The following SMARCB1 variants were observed in gnomAD, a reference collection of about 807,000 sequenced individuals.
SMARCB1 encodes SWI/SNF related BAF chromatin remodeling complex subunit B1, also known as SWI/SNF-related matrix-associated actin-dependent regulator of chromatin subfamily B member 1.
In SMARCB1, 5 loss-of-function variants were observed where a neutral mutation model predicts 49.0. The observed-to-expected ratio is 0.10, with a 90% CI of 0.05 to 0.21. The LOEUF (loss-of-function observed/expected upper bound fraction) is 0.21. SMARCB1 is among the 10% of genes least tolerant of loss of function. SMARCB1 has a pLI of 1.00. For synonymous variants in SMARCB1, 201 were observed against 200.1 expected (o/e 1.00, Z -0.04); for missense variants, 226 against 509.2 (o/e 0.44, Z 5.35).
rs955825409 is a variant in SMARCB1 at position 23,837,313 on chromosome 22, G to A, written c.*3133G>A. On this transcript the variant is annotated 3_prime_UTR_variant, in exon 9 of 9. Transcript: ENST00000644036. ...ACAGAGTGCCAGCCCCGGGTTGGCC[G>A]TGAAGGACAAGCTTAAAAGGCCCAG... 18 of 973,196 alleles carry A rather than the reference G, an allele frequency of 1.8e-5. No individual in the cohort carries two copies. Among genetic ancestry groups the A allele is most frequent in the Middle Eastern group, 2.6e-4 (1 of 3,822 alleles). The allele number at this position is 973,196 out of a possible 1,614,324, so 60.3% of individuals were successfully genotyped here. A position where few individuals can be genotyped will look rare whatever the true frequency, so the allele number is the denominator to read the frequency against.
At chr22:23,822,767 C>G (rs1430226785) in intron 6 of SMARCB1, among the ~76,000 whole-genome samples, 1 of 152,018 alleles carries the variant, frequency 6.6e-6, no homozygotes, top group African/African-American at 2.4e-5. Context: ...AGCCACATTC[C>G]TGCTCCCTGG....
intron 7 of SMARCB1, among the ~76,000 whole-genome samples, chr22:23,826,567 T>A (rs766799611): frequency 6.6e-6 from 1 of 152,158 alleles, no homozygotes; most frequent in Non-Finnish European, 1.5e-5. Flanking sequence ...CAAAACAGGA[T>A]GTTCAGATTT....
Position 23,837,949 on chromosome 22 carries a change from C to G in SMARCB1, c.*3769C>G, listed in dbSNP as rs2031233790. Reference sequence around the variant, plus strand: ...CCCTGGAATTCTTCCCCTCATCTCCCCTATGTGCTATTCCCTCATCAAGAT... The same window carrying G: ...CCCTGGAATTCTTCCCCTCATCTCCGCTATGTGCTATTCCCTCATCAAGAT... On this transcript the variant is annotated 3_prime_UTR_variant, in exon 9 of 9. Transcript: ENST00000644036. 6 of 1,329,534 alleles carry G rather than the reference C, an allele frequency of 4.5e-6. No individual in the cohort carries two copies. Among genetic ancestry groups the G allele is most frequent in the South Asian group, 1.4e-5 (1 of 71,612 alleles). The allele number at this position is 1,329,534 out of a possible 1,614,324, so 82.4% of individuals were successfully genotyped here.
intron 7 of SMARCB1, among the ~76,000 whole-genome samples, chr22:23,827,560 C>T (rs745731934): frequency 7.2e-5 from 11 of 152,220 alleles, no homozygotes; most frequent in South Asian, 2.1e-4. Context: ...CACAGACCCC[C>T]TGCCCCCTGC....
At position 23,787,033 on chromosome 22, in the gene SMARCB1, G is replaced by T. The variant is rs964117869; in HGVS notation, c.-137G>T. The stretch of plus-strand genomic sequence containing the variant: ...GCGGCGGCGGCGGCTGAGGAGCCCG[G>T]CTGAGGCGCCAGTACCCGGCCCGGT... On this transcript the variant is annotated 5_prime_UTR_variant, in exon 1 of 9. Coordinates refer to ENST00000644036, the MANE Select transcript of SMARCB1 (RefSeq NM_003073.5). The T allele has an allele frequency of 5.3e-6, 3 of 570,422 alleles. No individual in the cohort carries two copies. The highest frequency in any genetic ancestry group is 9.2e-6 in the Non-Finnish European group (3 of 325,934). The allele number at this position is 570,422 out of a possible 1,614,324, so 35.3% of individuals were successfully genotyped here.
chr22:23,810,370 C>A (rs1288642183), intron 5 of SMARCB1, among the ~76,000 whole-genome samples: 2 of 151,060 alleles, frequency 1.3e-5, no homozygotes, highest in Admixed American at 6.6e-5. Flanking sequence ...ACTAAAAATA[C>A]AAAAACAATT....
At position 23,837,612 on chromosome 22, in the gene SMARCB1, A is replaced by T. The variant is rs1251640704; in HGVS notation, c.*3432A>T. 3.8e-6 allele frequency: 6 copies of T among 1,582,986 alleles called. No homozygotes were observed. The highest frequency in any genetic ancestry group is 5.2e-6 in the Non-Finnish European group (6 of 1,160,366). On this transcript the variant is annotated 3_prime_UTR_variant, in exon 9 of 9. Coordinates refer to ENST00000644036, the MANE Select transcript of SMARCB1 (RefSeq NM_003073.5). ...CCCAGGGCATAAGCAGCGTGTCCTGAGGGGAGTGGCCAGCCTGGGGCGGAC... is the reference window on the plus strand; with the variant it reads ...CCCAGGGCATAAGCAGCGTGTCCTGTGGGGAGTGGCCAGCCTGGGGCGGAC...
intron 1 of SMARCB1, among the ~76,000 whole-genome samples, 160 bp downstream of exon 1, chr22:23,787,422 T>C (rs939413154): frequency 7.3e-5 from 11 of 151,568 alleles, no homozygotes; most frequent in Non-Finnish European, 1.6e-4. Flanking sequence ...GTGTCGGGTG[T>C]GGCCCCCGCC....
In SMARCB1 at chr22:23,814,091, A is replaced by G. The variant is rs145122371; in HGVS notation, c.629-2679A>G. Reference sequence around the variant, plus strand: ...GCAGTCCGCCTGTCTCAGCCTCCCAAAGTGCTGGGATTACAGGCATGAGCC... The same window carrying G: ...GCAGTCCGCCTGTCTCAGCCTCCCAGAGTGCTGGGATTACAGGCATGAGCC... On this transcript the variant is annotated intron_variant, in intron 5 of 8. Coordinates refer to ENST00000644036, the MANE Select transcript of SMARCB1 (RefSeq NM_003073.5). Among the ~76,000 whole-genome samples the G allele has an allele frequency of 6.1e-3, 922 of 152,202 alleles. 11 individuals carry two copies. Among genetic ancestry groups the G allele is most frequent in the African/African-American group, 0.021 (877 of 41,532 alleles).
chr22:23,810,075 G>A (rs1460086608), intron 5 of SMARCB1, among the ~76,000 whole-genome samples: 11 of 151,658 alleles, frequency 7.3e-5, no homozygotes, highest in Non-Finnish European at 1.3e-4. Flanking sequence ...GGGAGGCTGA[G>A]GCAGGAGTAT....
chr22:23,799,159 G>A (rs944894404), intron 3 of SMARCB1, among the ~76,000 whole-genome samples: 2 of 152,038 alleles, frequency 1.3e-5, no homozygotes, highest in Non-Finnish European at 2.9e-5. Flanking sequence ...ACACACAGTC[G>A]CTGCCTGCTC....
At position 23,837,845 on chromosome 22, in the gene SMARCB1, G is replaced by A. The variant is rs1308164299; in HGVS notation, c.*3665G>A. On this transcript the variant is annotated 3_prime_UTR_variant, in exon 9 of 9. Transcript: ENST00000644036. ...CCCAGGAAGAACAGGCTGCCCAGGA[G>A]TCCCAGCAGCTGGGCCAGAGTCAAG... 1 of 1,611,860 alleles carries A rather than the reference G, an allele frequency of 6.2e-7. No homozygotes were observed. Among genetic ancestry groups the A allele is most frequent in the African/African-American group, 1.3e-5 (1 of 75,010 alleles).
intron 6 of SMARCB1, chr22:23,823,034 C>CA (rs1342820463): frequency 7.8e-6 from 1 of 127,852 alleles, no homozygotes; most frequent in Non-Finnish European, 1.6e-5. Context: ...AGGCTGGACT[C>CA]AAACACCTGA....
chr22:23,830,850 G>A lies in SMARCB1; in HGVS notation c.987-2722G>A, dbSNP rs529933891. ...CTAATTTTTTGTTTTTAGTAGAGAC[G>A]GGGTTTCACCATGTTGGCCAGGATG... is the stretch of plus-strand genomic sequence containing the variant. On this transcript the variant is annotated intron_variant, in intron 7 of 8. Transcript: ENST00000644036. Among the ~76,000 whole-genome samples the A allele has an allele frequency of 2.6e-5, 4 of 151,760 alleles. No individual in the cohort carries two copies. The East Asian group carries it at 7.8e-4, about 29-fold the overall frequency.
intron 5 of SMARCB1, 95 bp from the exon 6 acceptor site, chr22:23,816,675 A>T: frequency 8.5e-7 from 1 of 1,177,334 alleles, no homozygotes; most frequent in Non-Finnish European, 1.3e-6. Context: ...CTGCATCCGG[A>T]GATGTTTGGC....
Position 23,834,559 on chromosome 22 carries a change from T to C in SMARCB1, c.*379T>C. ...CTTCAAAGTTTTAACATAAAAATAA[T>C]GAGAGCCAGGAGTGGGGCCGGGGCC... On this transcript the variant is annotated 3_prime_UTR_variant, in exon 9 of 9. Transcript: ENST00000644036. 2 of 701,780 alleles carry C rather than the reference T, an allele frequency of 2.8e-6. No homozygotes were observed. Among genetic ancestry groups the C allele is most frequent in the East Asian group, 5.4e-5 (2 of 37,042 alleles). 43.5% of individuals were successfully genotyped at this position (701,780 alleles called of 1,614,324 possible). A position where few individuals can be genotyped will look rare whatever the true frequency, so the allele number is the denominator to read the frequency against.
At chr22:23,815,876 T>G (rs1568951366) in intron 5 of SMARCB1, 1 of 152,248 alleles carries the variant, frequency 6.6e-6, no homozygotes, top group Non-Finnish European at 1.5e-5. Flanking sequence ...AATCTACAAT[T>G]ACTTAAAAAT....
chr22:23,814,457 C>T (rs977786623), intron 5 of SMARCB1, among the ~76,000 whole-genome samples: 2 of 149,864 alleles, frequency 1.3e-5, no homozygotes, highest in Non-Finnish European at 3.0e-5. Context: ...CCTGAGATCA[C>T]GAGTTCGAGA....
chr22:23,816,428 C>T (rs988354120), intron 5 of SMARCB1: 37 of 482,686 alleles, frequency 7.7e-5, no homozygotes, highest in African/African-American at 2.1e-4. Context: ...AGAGATGGCA[C>T]GCAAGCTTTG....
Sources: allele counts gnomAD v4.1 joint callset (sites outside exome capture counted in the v4.1 genomes callset), GRCh38; gene constraint gnomAD v4.1.1; transcripts MANE v1.5; gene names NCBI Gene and HGNC (gene_info 2026-07-23, HGNC 2026-07-21).